Variants in ADCK5 observed in about 807,000 individuals in gnomAD.
ADCK5 encodes aarF domain containing kinase 5, also known as uncharacterized aarF domain-containing protein kinase 5.
Under a neutral mutation model 64.9 loss-of-function variants are expected in ADCK5, and 43 were observed. The observed-to-expected ratio is 0.66, with a 90% CI of 0.52 to 0.85. The LOEUF is 0.85. ADCK5 is among the 40% of genes least tolerant of loss of function. The pLI is 0.00. For missense variants in ADCK5, 760 were observed against 810.5 expected (o/e 0.94, Z 0.76); for synonymous variants, 434 against 342.8 (o/e 1.27, Z -2.94).
intron 3 of ADCK5, chr8:144,389,414 T>C: frequency 2.2e-6 from 1 of 454,634 alleles, no homozygotes; most frequent in Non-Finnish European, 4.4e-6. Flanking sequence ...ACAGACAGCC[T>C]TGGAACCCCA....
In ADCK5 at chr8:144,392,837, C is replaced by G. The variant is rs565239631; in HGVS notation, c.1582C>G (p.Leu528Val). The G allele has an allele frequency of 6.3e-7, 1 of 1,593,336 alleles. No individual in the cohort carries two copies. Among genetic ancestry groups the G allele is most frequent in the South Asian group, 1.1e-5 (1 of 89,342 alleles). Residue 528 changes from leucine to valine, a missense_variant, in exon 14 of 15, where the codon CTC becomes GTC. Physicochemically the swap from Leu to Val is conservative, Grantham distance 32. This residue lies in a region of ADCK5 where 333 missense variants were observed against 292.0 expected (regional missense o/e 1.14). Coordinates refer to ENST00000308860, the MANE Select transcript of ADCK5 (RefSeq NM_174922.5). Reference sequence around the variant, plus strand: ...GTATCGGGGTGTCTACGGCACCAGCCTCCTGCGCCACGCCAAGGTCGTCTG... The same window carrying G: ...GTATCGGGGTGTCTACGGCACCAGCGTCCTGCGCCACGCCAAGGTCGTCTG... ...ATYRGVYGTS[L>V]LRHAKVVWEM...
Position 144,391,926 on chromosome 8 carries a change from C to T in ADCK5, c.1015-15C>T, listed in dbSNP as rs1216611254. On this transcript the variant is annotated splice_polypyrimidine_tract_variant and intron_variant, in intron 9 of 14. Transcript: ENST00000308860. ...GCTGGTGCTGTGTCCACTGCAATGCCTCTCCTCTCCCCAGATAGCAGAAAA... is the reference window on the plus strand; with the variant it reads ...GCTGGTGCTGTGTCCACTGCAATGCTTCTCCTCTCCCCAGATAGCAGAAAA... 4 of 1,612,032 alleles carry T rather than the reference C, an allele frequency of 2.5e-6. No homozygotes were observed. The highest frequency in any genetic ancestry group is 2.7e-5 in the African/African-American group (2 of 74,864).
Position 144,392,075 on chromosome 8 carries a change from A to G in ADCK5, c.1097-17A>G. 6.2e-7 allele frequency: 1 copy of G among 1,612,412 alleles called. No individual in the cohort carries two copies. The highest frequency in any genetic ancestry group is 8.5e-7 in the Non-Finnish European group (1 of 1,179,906). ...CTCAGGGTGGGCGCAGCGCGACCTA[A>G]GAGGCTGTATCCCTAGTTCTGGTGC... On this transcript the variant is annotated splice_polypyrimidine_tract_variant and intron_variant, in intron 10 of 14. Coordinates refer to ENST00000308860, the MANE Select transcript of ADCK5 (RefSeq NM_174922.5).
chr8:144,377,586 G>C (rs1158757953), intron 1 of ADCK5: 1 of 152,200 alleles, frequency 6.6e-6, no homozygotes, highest in Non-Finnish European at 1.5e-5. Context: ...CTGACCTCAT[G>C]ATCCACCCGC....
chr8:144,388,440 GTGT>G (rs781859143), intron 3 of ADCK5, among the ~76,000 whole-genome samples: 4 of 151,882 alleles, frequency 2.6e-5, no homozygotes, highest in Non-Finnish European at 5.9e-5. Flanking sequence ...TGTTACAAAA[GTGT>G]TGTGTTTACT....
At chr8:144,388,522 T>G (rs1820032588) in intron 3 of ADCK5, among the ~76,000 whole-genome samples, 2 of 152,022 alleles carry the variant, frequency 1.3e-5, no homozygotes, top group South Asian at 4.2e-4. Flanking sequence ...CCCAGCACTT[T>G]GGGAGGCCAA....
intron 3 of ADCK5, among the ~76,000 whole-genome samples, chr8:144,386,356 T>C (rs1819926238): frequency 6.6e-6 from 1 of 150,786 alleles, no homozygotes; most frequent in African/African-American, 2.4e-5. Context: ...TTTATTTAAC[T>C]TATTTTTTTT....
upstream of ADCK5, chr8:144,373,892 G>C (rs1473031126): frequency 2.2e-5 from 11 of 496,512 alleles, no homozygotes; most frequent in Non-Finnish European, 3.1e-5. Flanking sequence ...GGCGCCAAAA[G>C]GTAAGCCTCT....
chr8:144,386,474 T>C (rs1194300491), intron 3 of ADCK5, among the ~76,000 whole-genome samples: 2 of 152,000 alleles, frequency 1.3e-5, no homozygotes, highest in African/African-American at 4.8e-5. Context: ...TCTCCTGTCT[T>C]AGCCTTCTGA....
Position 144,391,714 on chromosome 8 carries a change from G to A in ADCK5, c.930+3G>A. On this transcript the variant is annotated splice_donor_region_variant and intron_variant, in intron 8 of 14. Coordinates refer to ENST00000308860, the MANE Select transcript of ADCK5 (RefSeq NM_174922.5). ...TGCACTGGGACAAGTCCAGCAAGGT[G>A]GGCTGGGCCAGGCCCTTGGGGTGGG... The A allele has an allele frequency of 1.9e-6, 3 of 1,539,134 alleles. No individual in the cohort carries two copies. The highest frequency in any genetic ancestry group is 2.4e-5 in the East Asian group (1 of 41,016).
rs368403183 is a variant in ADCK5, at chr8:144,392,077, A to G, written c.1097-15A>G. 9.9e-6 allele frequency: 16 copies of G among 1,612,086 alleles called. No individual in the cohort carries two copies. The African/African-American group carries it at 2.1e-4, about 22-fold the overall frequency. ...CAGGGTGGGCGCAGCGCGACCTAAG[A>G]GGCTGTATCCCTAGTTCTGGTGCGG... On this transcript the variant is annotated splice_polypyrimidine_tract_variant and intron_variant, in intron 10 of 14. Transcript: ENST00000308860.
chr8:144,392,599 G>A lies in ADCK5; in HGVS notation c.1422G>A (p.Pro474=), dbSNP rs1437436222. 25 of 1,580,722 alleles carry A rather than the reference G, an allele frequency of 1.6e-5. No individual in the cohort carries two copies. The highest frequency in any genetic ancestry group is 2.0e-5 in the Non-Finnish European group (23 of 1,167,858). Residue 474 remains proline, a synonymous_variant, in exon 13 of 15, where the codon CCG becomes CCA. Transcript: ENST00000308860. ...EAVMAVLREL[P]RPMLLVLRNI... ...TCATGGCGGTGCTCAGGGAGCTGCC[G>A]CGGCCCATGCTGCTGGTGCTGCGCA...
At chr8:144,391,510 AAC>A in intron 7 of ADCK5, 36 bp downstream of exon 7, 2 of 1,594,972 alleles carry the variant, frequency 1.3e-6, no homozygotes, top group Non-Finnish European at 1.7e-6. Flanking sequence ...AGCAGGAGCA[AAC>A]ACGTAGGCAG....
In ADCK5 at chr8:144,391,916, ACTGCAATGCCT is replaced by A; in HGVS notation, c.1015-22_1015-12del. Reference sequence around the variant, plus strand: ...GTCAGGGCGGGCTGGTGCTGTGTCCACTGCAATGCCTCTCCTCTCCCCAGATAGCAGAAAAG... The same window carrying A: ...GTCAGGGCGGGCTGGTGCTGTGTCCACTCCTCTCCCCAGATAGCAGAAAAG... On this transcript the variant is annotated splice_polypyrimidine_tract_variant and intron_variant, in intron 9 of 14. Coordinates refer to ENST00000308860, the MANE Select transcript of ADCK5 (RefSeq NM_174922.5). 6.2e-7 allele frequency: 1 copy of A among 1,611,558 alleles called. No individual in the cohort carries two copies. The highest frequency in any genetic ancestry group is 8.5e-7 in the Non-Finnish European group (1 of 1,179,880).
chr8:144,380,049 T>C (rs1819534915), intron 2 of ADCK5, among the ~76,000 whole-genome samples: 1 of 152,198 alleles, frequency 6.6e-6, no homozygotes, highest in Non-Finnish European at 1.5e-5. Flanking sequence ...TCCCGAGAGC[T>C]CTGCAGTAGG....
intron 2 of ADCK5, among the ~76,000 whole-genome samples, chr8:144,381,534 G>A (rs1819641698): frequency 1.4e-5 from 2 of 146,138 alleles, no homozygotes; most frequent in Non-Finnish European, 3.0e-5. Flanking sequence ...TATGGGCCAG[G>A]TGTAGAAACA....
At chr8:144,390,100 G>A (rs1200518880) in intron 3 of ADCK5, among the ~76,000 whole-genome samples, 1 of 151,860 alleles carries the variant, frequency 6.6e-6, no homozygotes, top group African/African-American at 2.4e-5. Context: ...CAAAGTGCTG[G>A]GATTACAGGC....
chr8:144,388,679 G>A (rs1055976826), intron 3 of ADCK5, among the ~76,000 whole-genome samples: 4 of 151,130 alleles, frequency 2.6e-5, no homozygotes, highest in Middle Eastern at 7.1e-3. Flanking sequence ...GCAGGAGAAC[G>A]GCGTGAACCT....
intron 3 of ADCK5, among the ~76,000 whole-genome samples, chr8:144,387,671 C>T (rs1483894987): frequency 6.6e-6 from 1 of 151,360 alleles, no homozygotes; most frequent in Non-Finnish European, 1.5e-5. Context: ...TCCCAAAGTG[C>T]TGGGATTATA....
Sources: allele counts gnomAD v4.1 joint callset (sites outside exome capture counted in the v4.1 genomes callset), GRCh38; gene constraint gnomAD v4.1.1; regional missense constraint gnomAD v4.1.1; transcripts MANE v1.5; gene names NCBI Gene and HGNC (gene_info 2026-07-23, HGNC 2026-07-21).